Variants in SLC15A1 observed in about 807,000 individuals in gnomAD.
The protein encoded by SLC15A1 is solute carrier family 15 member 1.
A neutral mutation model predicts 92.9 loss-of-function variants in SLC15A1; 83 were observed. The observed-to-expected ratio is 0.89, with a 90% CI of 0.75 to 1.07. The LOEUF (loss-of-function observed/expected upper bound fraction) is 1.07, where lower values mean the gene tolerates loss of function less well. Among genes scored for constraint, SLC15A1 ranks in the 50% least tolerant of loss-of-function variants. The pLI is 0.00. For missense variants in SLC15A1, 857 were observed against 880.1 expected, an observed-to-expected ratio of 0.97 and a Z score of 0.33; for synonymous variants, 322 against 318.2, an observed-to-expected ratio of 1.01 and a Z score of -0.13.
chr13:98,719,756 A>G (rs1449307818), intron 7 of SLC15A1, among the ~76,000 whole-genome samples: 1 of 152,226 alleles, frequency 6.6e-6, no homozygotes, highest in Non-Finnish European at 1.5e-5. Flanking sequence ...TTTTCTGTGA[A>G]GGGCCCAGCA....
At chr13:98,697,165 C>T (rs1480038030) in intron 18 of SLC15A1, among the ~76,000 whole-genome samples, 1 of 152,168 alleles carries the variant, frequency 6.6e-6, no homozygotes, top group Non-Finnish European at 1.5e-5. Context: ...GAGTGATGCT[C>T]CTGCCTCAGT....
At chr13:98,736,327 T>C (rs547394088) in intron 1 of SLC15A1, among the ~76,000 whole-genome samples, 62 of 152,280 alleles carry the variant, frequency 4.1e-4, no homozygotes, top group African/African-American at 1.4e-3. Context: ...TTACACCTTA[T>C]ACAAAAATTA....
chr13:98,722,192 G>T (rs4646217), intron 5 of SLC15A1, among the ~76,000 whole-genome samples: 71,621 of 151,970 alleles, frequency 0.47, 17,735 homozygotes, highest in Non-Finnish European at 0.55. Flanking sequence ...TAGCTTTATT[G>T]TTTCCAGTAA....
chr13:98,734,264 C>G (rs2088372698), intron 1 of SLC15A1, among the ~76,000 whole-genome samples: 2 of 152,214 alleles, frequency 1.3e-5, no homozygotes, highest in Non-Finnish European at 1.5e-5. Flanking sequence ...TGCACCCAGC[C>G]TTAGATCTGG....
chr13:98,708,431 T>C (rs1461304301), intron 15 of SLC15A1, among the ~76,000 whole-genome samples: 1 of 152,206 alleles, frequency 6.6e-6, no homozygotes, highest in African/African-American at 2.4e-5. Context: ...AAGGAACACA[T>C]TCTGTAAACT....
intron 8 of SLC15A1, among the ~76,000 whole-genome samples, chr13:98,718,488 T>TA (rs1232716277): frequency 1.3e-5 from 2 of 150,888 alleles, no homozygotes; most frequent in Admixed American, 1.3e-4. Flanking sequence ...CCCAGCTAAT[T>TA]AAAAAAACAA....
chr13:98,735,659 C>A (rs896747574), intron 1 of SLC15A1, among the ~76,000 whole-genome samples: 3 of 152,176 alleles, frequency 2.0e-5, no homozygotes, highest in African/African-American at 7.2e-5. Flanking sequence ...GATACAAAAT[C>A]AATGTGCAAA....
chr13:98,744,262 AAG>A (rs1315333252), intron 1 of SLC15A1, among the ~76,000 whole-genome samples: 13 of 150,418 alleles, frequency 8.6e-5, no homozygotes, highest in African/African-American at 2.9e-4. Flanking sequence ...AAAAAAAAAA[AAG>A]AACCAATCTC....
chr13:98,749,755 G>A (rs2088527015), intron 1 of SLC15A1, among the ~76,000 whole-genome samples: 1 of 152,124 alleles, frequency 6.6e-6, no homozygotes, highest in Admixed American at 6.5e-5. Flanking sequence ...CTGGCCCACT[G>A]CCTGTTTTTG....
At chr13:98,724,493 G>T (rs2139594565) in intron 4 of SLC15A1, among the ~76,000 whole-genome samples, 1 of 152,264 alleles carries the variant, frequency 6.6e-6, no homozygotes, top group Non-Finnish European at 1.5e-5. Context: ...GACAGAGCGA[G>T]ACCCTGTCTC....
intron 7 of SLC15A1, chr13:98,720,833 G>A (rs373981920): frequency 3.3e-5 from 10 of 303,798 alleles, no homozygotes; most frequent in African/African-American, 8.7e-5. Context: ...GGCAGATCAC[G>A]AGGGCAGGAG....
intron 15 of SLC15A1, 121 bp from the exon 16 acceptor site, chr13:98,706,374 A>G: frequency 1.8e-6 from 2 of 1,101,572 alleles, no homozygotes; most frequent in Non-Finnish European, 2.6e-6. Flanking sequence ...GAAACACGCC[A>G]GGTGTCTCCC....
chr13:98,699,496 G>A (rs2088050720), intron 18 of SLC15A1, among the ~76,000 whole-genome samples: 1 of 152,146 alleles, frequency 6.6e-6, no homozygotes, highest in Non-Finnish European at 1.5e-5. Flanking sequence ...TTGCTGAGTG[G>A]TGGGTGTTTA....
At chr13:98,718,860 C>G (rs1193886169) in intron 8 of SLC15A1, among the ~76,000 whole-genome samples, 1 of 152,160 alleles carries the variant, frequency 6.6e-6, no homozygotes, top group Non-Finnish European at 1.5e-5. Flanking sequence ...CTAGGCTGGA[C>G]TTGAACTCCA....
chr13:98,714,653 CAAA>C (rs11378347), intron 9 of SLC15A1, among the ~76,000 whole-genome samples: 1 of 94,382 alleles, frequency 1.1e-5, no homozygotes, highest in East Asian at 3.0e-4. Flanking sequence ...GACTCCATCT[CAAA>C]AAAAAAAAAA....
In SLC15A1 at chr13:98,684,750, C is replaced by G. The variant is rs760355895; in HGVS notation, c.2101G>C (p.Gly701Arg). Residue 701 changes from glycine to arginine, a missense_variant, in exon 23 of 23, where the codon GGG becomes CGG. Gly to Arg is a moderately radical substitution (Grantham distance 125, BLOSUM62 -2). Transcript: ENST00000376503. ...LEKSNPYFMS[G>R]ANSQKQM Reference sequence around the variant, plus strand: ...CACATCTGTTTCTGTGAATTGGCCCCTGACATGAAATATGGGTTACTCTTT... The same window carrying G: ...CACATCTGTTTCTGTGAATTGGCCCGTGACATGAAATATGGGTTACTCTTT... 4 of 1,614,030 alleles carry G rather than the reference C, an allele frequency of 2.5e-6. No individual in the cohort carries two copies. The African/African-American group carries it at 4.0e-5, about 16-fold the overall frequency.
intron 1 of SLC15A1, among the ~76,000 whole-genome samples, chr13:98,745,072 CAGT>C (rs963691973): frequency 1.3e-5 from 2 of 152,178 alleles, no homozygotes; most frequent in African/African-American, 4.8e-5. Context: ...TGCAGGTCCA[CAGT>C]ACCGCATCAA....
At chr13:98,706,880 G>A (rs1231699975) in intron 15 of SLC15A1, among the ~76,000 whole-genome samples, 2 of 152,082 alleles carry the variant, frequency 1.3e-5, no homozygotes, top group African/African-American at 2.4e-5. Flanking sequence ...GCCAAGATAC[G>A]AAGCCAAATA....
At chr13:98,722,007 A>G in intron 5 of SLC15A1, 104 bp from the exon 6 acceptor site, 1 of 861,382 alleles carries the variant, frequency 1.2e-6, no homozygotes, top group Non-Finnish European at 1.8e-6. Context: ...TGACACACAT[A>G]GAGAAGAAGA....
Sources: gnomAD v4.1 joint callset for allele counts (sites outside exome capture counted in the v4.1 genomes callset) on GRCh38, gnomAD v4.1.1 for gene constraint, MANE v1.5 for transcripts, NCBI Gene and HGNC (gene_info 2026-07-23, HGNC 2026-07-21) for gene names.